Variants in UNC13C observed in about 807,000 individuals in gnomAD.
The protein encoded by UNC13C is protein unc-13 homolog C.
UNC13C carries 174 observed loss-of-function variants against 245.4 expected under a neutral mutation model. The ratio of observed to expected loss-of-function variants is 0.71; its 90% CI spans 0.63 to 0.80. The LOEUF is 0.80. Among genes scored for constraint, UNC13C ranks in the 30% least tolerant of loss-of-function variants. The pLI is 0.00. For synonymous variants in UNC13C, 992 were observed against 895.1 expected (o/e 1.11, Z -1.93); for missense variants, 2,829 against 2,602.9 (o/e 1.09, Z -1.89).
At chr15:53,890,471 T>G in the UNC13C span, among the ~76,000 whole-genome samples, 1 of 152,140 alleles carries the variant, frequency 6.6e-6, no homozygotes, top group African/African-American at 2.4e-5. Flanking sequence ...CTGGTAGAAT[T>G]TGGCTGTGAA....
intron 4 of UNC13C, among the ~76,000 whole-genome samples, chr15:54,225,886 G>C (rs541373390): frequency 6.6e-6 from 1 of 152,282 alleles, no homozygotes; most frequent in South Asian, 2.1e-4. Context: ...TCTTGTGCCA[G>C]TTTTCAAAGC....
At chr15:53,936,419 G>T in the UNC13C span, among the ~76,000 whole-genome samples, 51 of 152,238 alleles carry the variant, frequency 3.4e-4, no homozygotes, top group African/African-American at 1.1e-3. Flanking sequence ...CACTGTATCT[G>T]CAGTTCAGCT....
the UNC13C span, among the ~76,000 whole-genome samples, chr15:53,942,259 G>A: frequency 5.3e-5 from 8 of 152,150 alleles, no homozygotes; most frequent in Non-Finnish European, 4.4e-5. Flanking sequence ...GCAGGGATAT[G>A]GAAGGAGCTA....
chr15:53,889,332 C>G, the UNC13C span, among the ~76,000 whole-genome samples: 3 of 152,140 alleles, frequency 2.0e-5, no homozygotes, highest in African/African-American at 7.2e-5. Context: ...TGGGAGTTCA[C>G]TCATGATTTG....
intron 17 of UNC13C, among the ~76,000 whole-genome samples, chr15:54,376,980 G>A (rs200003035): frequency 1.3e-5 from 2 of 152,202 alleles, no homozygotes; most frequent in East Asian, 3.8e-4. Flanking sequence ...TCTTAAGGGA[G>A]CCAGAAAAGG....
intron 2 of UNC13C, among the ~76,000 whole-genome samples, chr15:54,119,176 T>C (rs2030490725): frequency 6.6e-6 from 1 of 152,114 alleles, no homozygotes; most frequent in Admixed American, 6.5e-5. Flanking sequence ...GCTTCTATCT[T>C]ATTACTCAGT....
intron 19 of UNC13C, among the ~76,000 whole-genome samples, chr15:54,477,803 TC>T (rs1892854916): frequency 6.6e-6 from 1 of 150,694 alleles, no homozygotes; most frequent in African/African-American, 2.4e-5. Context: ...GGCTTTGGTA[TC>T]AGGATGATGC....
At chr15:54,098,319 C>A (rs143484183) in intron 2 of UNC13C, among the ~76,000 whole-genome samples, 4,507 of 152,200 alleles carry the variant, frequency 0.03, 222 homozygotes, top group African/African-American at 0.1. Flanking sequence ...GGATTACAGG[C>A]AAGTGCCACC....
At chr15:54,419,791 G>A (rs1300767709) in intron 19 of UNC13C, among the ~76,000 whole-genome samples, 2 of 151,946 alleles carry the variant, frequency 1.3e-5, no homozygotes, top group African/African-American at 2.4e-5. Flanking sequence ...ACATTTTTTT[G>A]TTTCAGATGG....
intron 2 of UNC13C, among the ~76,000 whole-genome samples, chr15:54,042,233 T>C (rs1348466249): frequency 1.3e-5 from 2 of 152,184 alleles, no homozygotes; most frequent in African/African-American, 4.8e-5. Flanking sequence ...ATCAAATAAT[T>C]GTCAGAAAAA....
intron 2 of UNC13C, among the ~76,000 whole-genome samples, chr15:54,112,489 T>C (rs1337764492): frequency 1.3e-5 from 2 of 152,224 alleles, no homozygotes; most frequent in Non-Finnish European, 2.9e-5. Flanking sequence ...ATGAGGTTTC[T>C]ACCTGGCCAG....
chr15:53,966,974 T>A, the UNC13C span, among the ~76,000 whole-genome samples: 3 of 152,232 alleles, frequency 2.0e-5, no homozygotes, highest in East Asian at 3.9e-4. Flanking sequence ...AAGGTAGTAA[T>A]ACCAGTTGTG....
the UNC13C span, among the ~76,000 whole-genome samples, chr15:53,904,795 T>C: frequency 2.0e-5 from 3 of 152,274 alleles, no homozygotes; most frequent in Middle Eastern, 3.4e-3. Context: ...GGCTCTACCA[T>C]TAATTAGTTA....
At chr15:54,083,821 G>A (rs1899087100) in intron 2 of UNC13C, among the ~76,000 whole-genome samples, 1 of 152,158 alleles carries the variant, frequency 6.6e-6, no homozygotes, top group South Asian at 2.1e-4. Flanking sequence ...ATCTGCTGGT[G>A]CATCGTCTTG....
chr15:54,128,552 G>A (rs2031202993), intron 2 of UNC13C, among the ~76,000 whole-genome samples: 2 of 152,146 alleles, frequency 1.3e-5, no homozygotes, highest in African/African-American at 4.8e-5. Context: ...TGACAAGTAA[G>A]TTTTGCTGGA....
At chr15:54,409,962 C>T (rs1020751424) in intron 18 of UNC13C, among the ~76,000 whole-genome samples, 9 of 152,232 alleles carry the variant, frequency 5.9e-5, no homozygotes, top group African/African-American at 1.7e-4. Flanking sequence ...CTGTTTTCCA[C>T]AGTGGCTGAA....
At chr15:54,049,912 C>A in intron 2 of UNC13C, 1 of 221,032 alleles carries the variant, frequency 4.5e-6, no homozygotes. Context: ...GACTGAGTTC[C>A]AATCTATTTT....
At chr15:54,418,560 A>G (rs1028126238) in intron 19 of UNC13C, among the ~76,000 whole-genome samples, 1 of 152,074 alleles carries the variant, frequency 6.6e-6, no homozygotes, top group Non-Finnish European at 1.5e-5. Flanking sequence ...GCTTTCGAAG[A>G]GATTAGACAC....
chr15:54,426,667 T>C (rs1325758851), intron 19 of UNC13C, among the ~76,000 whole-genome samples: 1 of 151,712 alleles, frequency 6.6e-6, no homozygotes, highest in Non-Finnish European at 1.5e-5. Context: ...TTTGGGATTA[T>C]TTTAAAGGCT....
Sources: allele counts gnomAD v4.1 joint callset (sites outside exome capture counted in the v4.1 genomes callset), GRCh38; gene constraint gnomAD v4.1.1; transcripts MANE v1.5; gene names NCBI Gene and HGNC (gene_info 2026-07-23, HGNC 2026-07-21).